Variants in DRD3 observed in about 807,000 individuals in gnomAD.
DRD3 encodes D(3) dopamine receptor.
DRD3 carries 19 observed loss-of-function variants against 36.3 expected under a neutral mutation model. That is an observed-to-expected ratio of 0.52 (90% CI 0.36 to 0.77). The LOEUF is 0.77. DRD3 is among the 30% of genes least tolerant of loss of function. The pLI, the probability that DRD3 is intolerant of heterozygous loss-of-function variation, is 0.00. For synonymous variants in DRD3, 195 were observed against 203.7 expected (o/e 0.96, Z 0.36); for missense variants, 465 against 505.3 (o/e 0.92, Z 0.77).
intron 5 of DRD3, among the ~76,000 whole-genome samples, chr3:114,133,516 TAAAAAAAAA>T (rs371184129): frequency 2.1e-5 from 3 of 143,942 alleles, no homozygotes; most frequent in African/African-American, 7.6e-5. Flanking sequence ...TAATAGAAAT[TAAAAAAAAA>T]AAAAGAAAAC....
In DRD3 at chr3:114,179,027, T is replaced by C. The variant is rs1403669375; in HGVS notation, c.-406A>G. ...AGGCAGTATCCGTTTTCTACCTCGC[T>C]CTCTTTTCCTCTTTGTCTCTCTATC... is the stretch of plus-strand genomic sequence containing the variant. On this transcript the variant is annotated 5_prime_UTR_variant, in exon 1 of 7. Transcript: ENST00000383673. 6.6e-6 allele frequency: 1 copy of C among 152,212 alleles called. No homozygotes were observed. Among genetic ancestry groups the C allele is most frequent in the East Asian group, 1.9e-4 (1 of 5,200 alleles). The allele number at this position is 152,212 out of a possible 1,614,324, so 9.4% of individuals were successfully genotyped here. A position where few individuals can be genotyped will look rare whatever the true frequency, so the allele number is the denominator to read the frequency against.
At chr3:114,159,483 A>C (rs1222747526) in intron 3 of DRD3, among the ~76,000 whole-genome samples, 1 of 151,630 alleles carries the variant, frequency 6.6e-6, no homozygotes, top group Non-Finnish European at 1.5e-5. Context: ...GAAAAAAAAA[A>C]CCCCAAAGGA....
chr3:114,164,220 C>CAAAAAAAAAAAAAAA (rs34500434), intron 2 of DRD3, among the ~76,000 whole-genome samples: 7 of 17,776 alleles, frequency 3.9e-4, no homozygotes, highest in Non-Finnish European at 5.5e-4. Flanking sequence ...GCCTCAGTCT[C>CAAAAAAAAAAAAAAA]AAAAAAAAAA....
chr3:114,131,514 A>G, intron 5 of DRD3, 114 bp from the exon 6 acceptor site: 2 of 1,380,892 alleles, frequency 1.4e-6, no homozygotes, highest in Non-Finnish European at 1.9e-6. Flanking sequence ...CAGTTGTGGG[A>G]AACCTACAAA....
intron 3 of DRD3, among the ~76,000 whole-genome samples, chr3:114,156,743 T>TTCTTTTTCTTTCTTTCTTTC (rs1286313199): frequency 4.8e-5 from 1 of 20,690 alleles, no homozygotes; most frequent in African/African-American, 9.5e-5. Flanking sequence ...CTTTCTTTCT[T>TTCTTTTTCTTTCTTTCTTTC]TTTCTTTCTT....
intron 3 of DRD3, among the ~76,000 whole-genome samples, chr3:114,155,249 T>C (rs1338249456): frequency 6.6e-6 from 1 of 152,214 alleles, no homozygotes; most frequent in Non-Finnish European, 1.5e-5. Flanking sequence ...TGCAAACTGC[T>C]GTGAAGAATA....
At chr3:114,166,217 C>G (rs868002626) in intron 2 of DRD3, among the ~76,000 whole-genome samples, 1 of 152,076 alleles carries the variant, frequency 6.6e-6, no homozygotes, top group Non-Finnish European at 1.5e-5. Flanking sequence ...AACTCCTGAC[C>G]TCAGGTGGTC....
intron 1 of DRD3, among the ~76,000 whole-genome samples, chr3:114,178,272 G>A (rs779018706): frequency 1.4e-4 from 22 of 152,244 alleles, no homozygotes; most frequent in Non-Finnish European, 2.8e-4. Flanking sequence ...AATTGCCAGG[G>A]TGCTGAATTG....
intron 5 of DRD3, among the ~76,000 whole-genome samples, chr3:114,134,817 AATTTT>A (rs1445089038): frequency 2.0e-5 from 3 of 152,184 alleles, no homozygotes; most frequent in Non-Finnish European, 2.9e-5. Context: ...CATATATAAT[AATTTT>A]ACATATTTGT....
intron 6 of DRD3, 146 bp downstream of exon 6, chr3:114,130,972 A>G: frequency 4.4e-6 from 5 of 1,133,568 alleles, no homozygotes; most frequent in Non-Finnish European, 4.8e-6. Flanking sequence ...CAGAGTTAGC[A>G]TTTATACACA....
At chr3:114,137,144 G>A (rs1173429977) in intron 5 of DRD3, among the ~76,000 whole-genome samples, 1 of 152,214 alleles carries the variant, frequency 6.6e-6, no homozygotes, top group Non-Finnish European at 1.5e-5. Context: ...ATCAGGGTAA[G>A]GTTTCATTCT....
chr3:114,179,418 C>T (rs2077933218), upstream of DRD3, among the ~76,000 whole-genome samples: 1 of 152,174 alleles, frequency 6.6e-6, no homozygotes, highest in South Asian at 2.1e-4. Context: ...AAGCTTAATA[C>T]TGTAAGAAAT....
At chr3:114,137,881 C>G (rs2077488246) in intron 5 of DRD3, among the ~76,000 whole-genome samples, 1 of 150,716 alleles carries the variant, frequency 6.6e-6, no homozygotes, top group African/African-American at 2.4e-5. Flanking sequence ...GCCTGTAGTC[C>G]CAGCTACTCG....
At chr3:114,145,545 C>T (rs1288224064) in intron 4 of DRD3, among the ~76,000 whole-genome samples, 1 of 152,174 alleles carries the variant, frequency 6.6e-6, no homozygotes, top group Non-Finnish European at 1.5e-5. Flanking sequence ...AGAAACAAGC[C>T]AGCCTTGAGT....
intron 4 of DRD3, 52 bp from the exon 5 acceptor site, chr3:114,139,748 T>G (rs775519317): frequency 1.8e-5 from 28 of 1,562,938 alleles, no homozygotes; most frequent in Non-Finnish European, 2.5e-5. Context: ...CAGAACTCAG[T>G]AAGGAGCATA....
At chr3:114,196,275 T>G (rs2078035314) in intron 1 of DRD3, among the ~76,000 whole-genome samples, 2 of 152,166 alleles carry the variant, frequency 1.3e-5, no homozygotes, top group African/African-American at 4.8e-5. Context: ...AATCTTTGTA[T>G]GGATATATGC....
At position 114,128,403 on chromosome 3, in the gene DRD3, C is replaced by T. The variant is rs1351064939; in HGVS notation, c.*313G>A. On this transcript the variant is annotated 3_prime_UTR_variant, in exon 7 of 7. Coordinates refer to ENST00000383673, the MANE Select transcript of DRD3 (RefSeq NM_000796.6). ...ATGATGAGATCTGTTCATTTTCCTT[C>T]AGTGTAATGAATCATGCCTCTGATG... 6.6e-6 allele frequency among the ~76,000 whole-genome samples: 1 copy of T among 152,162 alleles called. No individual in the cohort carries two copies. Among genetic ancestry groups the T allele is most frequent in the Non-Finnish European group, 1.5e-5 (1 of 68,030 alleles).
intron 3 of DRD3, among the ~76,000 whole-genome samples, chr3:114,148,899 G>T (rs1371759656): frequency 6.6e-6 from 1 of 152,130 alleles, no homozygotes; most frequent in African/African-American, 2.4e-5. Flanking sequence ...TTTTAGCAGA[G>T]ATGGGGTTTC....
chr3:114,193,959 A>T (rs542345423), intron 1 of DRD3, among the ~76,000 whole-genome samples: 4 of 152,302 alleles, frequency 2.6e-5, no homozygotes, highest in Admixed American at 1.3e-4. Flanking sequence ...GTCATTACAC[A>T]TTCTGCACTC....
Sources: gnomAD v4.1 joint callset for allele counts (sites outside exome capture counted in the v4.1 genomes callset) on GRCh38, gnomAD v4.1.1 for gene constraint, MANE v1.5 for transcripts, NCBI Gene and HGNC (gene_info 2026-07-23, HGNC 2026-07-21) for gene names.